PRSS55: variants seen among roughly 807,000 people sequenced by gnomAD.
PRSS55 encodes serine protease 55.
PRSS55 carries 41 observed loss-of-function variants against 23.6 expected under a neutral mutation model. The ratio of observed to expected loss-of-function variants is 1.74; its 90% CI spans 1.35 to 2.26. The LOEUF (loss-of-function observed/expected upper bound fraction) is 2.26. PRSS55 is among the 30% of genes most tolerant of loss of function. The pLI is 0.00. For missense variants in PRSS55, 669 were observed against 439.1 expected, an observed-to-expected ratio of 1.52 and a Z score of -4.68; for synonymous variants, 262 against 175.5, an observed-to-expected ratio of 1.49 and a Z score of -3.90.
chr8:10,542,588 G>A (rs1439866205), downstream of PRSS55, among the ~76,000 whole-genome samples: 3 of 151,978 alleles, frequency 2.0e-5, no homozygotes, highest in Admixed American at 6.6e-5. Flanking sequence ...AAGATGACCT[G>A]GACAGGCACG....
intron 1 of PRSS55, among the ~76,000 whole-genome samples, chr8:10,527,168 T>G (rs897448603): frequency 6.6e-6 from 1 of 152,246 alleles, no homozygotes; most frequent in Admixed American, 6.5e-5. Context: ...GTCACAAACA[T>G]TTTCCTGTGT....
intron 4 of PRSS55, among the ~76,000 whole-genome samples, chr8:10,537,265 G>A (rs1812488820): frequency 6.6e-6 from 1 of 152,140 alleles, no homozygotes; most frequent in Non-Finnish European, 1.5e-5. Flanking sequence ...AGAAAATTAG[G>A]CAGTATACAC....
At chr8:10,550,723 T>C (rs1457248806) in intron 4 of PRSS55, among the ~76,000 whole-genome samples, 5 of 152,258 alleles carry the variant, frequency 3.3e-5, no homozygotes, top group Admixed American at 3.3e-4. Flanking sequence ...TGGTTTTTAC[T>C]GTATCAGCTT....
downstream of PRSS55, chr8:10,540,808 A>G (rs183832625): frequency 1.3e-5 from 2 of 152,360 alleles, no homozygotes; most frequent in Non-Finnish European, 2.9e-5. Context: ...CAATGTCTAG[A>G]AGCCATTTTT....
intron 4 of PRSS55, among the ~76,000 whole-genome samples, chr8:10,552,275 T>A (rs977911568): frequency 1.3e-5 from 2 of 152,202 alleles, no homozygotes; most frequent in African/African-American, 4.8e-5. Flanking sequence ...AGTGAAATCA[T>A]GGGAGTGTTA....
intron 4 of PRSS55, among the ~76,000 whole-genome samples, chr8:10,552,044 C>T (rs939313214): frequency 6.6e-5 from 10 of 152,328 alleles, no homozygotes; most frequent in South Asian, 2.1e-4. Context: ...GAAAGGGCAC[C>T]GTTTCCTGCC....
intron 3 of PRSS55, among the ~76,000 whole-genome samples, chr8:10,532,173 G>T (rs538497587): frequency 6.6e-6 from 1 of 152,138 alleles, no homozygotes; most frequent in African/African-American, 2.4e-5. Context: ...GATTTGCAGC[G>T]AGCCTGGGCC....
At chr8:10,532,416 G>GC (rs562546146) in intron 3 of PRSS55, among the ~76,000 whole-genome samples, 250 of 152,306 alleles carry the variant, frequency 1.6e-3, no homozygotes, top group African/African-American at 5.4e-3. Flanking sequence ...CCCAGAAAGG[G>GC]CCTCTGCAAA....
Position 10,525,688 on chromosome 8 carries a change from G to A in PRSS55, c.103G>A (p.Ala35Thr), listed in dbSNP as rs768132206. 6.8e-6 allele frequency: 11 copies of A among 1,613,740 alleles called. No individual in the cohort carries two copies. The highest frequency in any genetic ancestry group is 4.5e-5 in the East Asian group (2 of 44,870). Residue 35 changes from alanine to threonine, a missense_variant, in exon 1 of 5, where the codon GCT becomes ACT. By Grantham distance (58) the Ala-to-Thr change is moderately conservative. Transcript: ENST00000328655. ...GGCTGGAGTGGCTATCCTAGGCAGG[G>A]CTAGGGGAGCCCACCGCCCTCAGCC... is the stretch of plus-strand genomic sequence containing the variant. The part of the protein sequence containing the change: ...PEAGVAILGR[A>T]RGAHRPQPPH...
intron 4 of PRSS55, among the ~76,000 whole-genome samples, chr8:10,551,111 T>A (rs1160783027): frequency 6.6e-6 from 1 of 152,200 alleles, no homozygotes; most frequent in Non-Finnish European, 1.5e-5. Context: ...CCAAGACCCC[T>A]TCCTTCTGAG....
At chr8:10,528,162 G>T (rs941067081) in intron 1 of PRSS55, among the ~76,000 whole-genome samples, 4 of 147,758 alleles carry the variant, frequency 2.7e-5, no homozygotes, top group Admixed American at 2.1e-4. Flanking sequence ...TGGTGCCACT[G>T]CACTCCAGCC....
rs760243007 is a variant in PRSS55 at position 10,531,598 on chromosome 8, GA to G, written c.598+54del. The G allele has an allele frequency of 1.9e-6, 3 of 1,599,482 alleles. 1 individual carries two copies. In the South Asian group the frequency reaches 3.3e-5, roughly 18 times the overall value. ...GAAAAAGCCACTGCAATGTGAAGGA[GA>G]GGGGAGGAAGCTAAGGAAGGAGTGA... On this transcript the variant is annotated intron_variant, in intron 3 of 4. Coordinates refer to ENST00000328655, the MANE Select transcript of PRSS55 (RefSeq NM_198464.4).
rs1398648467 is a variant in PRSS55 at position 10,553,901 on chromosome 8, A to T, written c.742-42A>T. 6 of 1,346,552 alleles carry T rather than the reference A, an allele frequency of 4.5e-6. No individual in the cohort carries two copies. In the African/African-American group the frequency reaches 8.9e-5, roughly 20 times the overall value. 83.4% of individuals were successfully genotyped at this position (1,346,552 alleles called of 1,614,324 possible). Reference sequence around the variant, plus strand: ...AAGCACCACATTGTACAATAAATACATAAAATTTTTTTAATTTGTCAATTT... The same window carrying T: ...AAGCACCACATTGTACAATAAATACTTAAAATTTTTTTAATTTGTCAATTT... On this transcript the variant is annotated intron_variant, in intron 4 of 4. Coordinates refer to the PRSS55 transcript ENST00000522210.
rs756013102 is a variant in PRSS55 at position 10,531,449 on chromosome 8, C to T, written c.502C>T (p.Leu168Phe). Residue 168 changes from leucine to phenylalanine, a missense_variant, in exon 3 of 5, where the codon CTC becomes TTC. Coordinates refer to ENST00000328655, the MANE Select transcript of PRSS55 (RefSeq NM_198464.4). ...ALLLLASPIK[L>F]DDLKVPICLP... is the part of the protein sequence containing the mutation. ...GCTGCTGCTGGCTTCGCCCATCAAGCTCGATGACCTGAAGGTGCCCATCTG... is the reference window on the plus strand; with the variant it reads ...GCTGCTGCTGGCTTCGCCCATCAAGTTCGATGACCTGAAGGTGCCCATCTG... The T allele has an allele frequency of 1.9e-6, 3 of 1,614,102 alleles. No homozygotes were observed. Among genetic ancestry groups the T allele is most frequent in the Non-Finnish European group, 2.5e-6 (3 of 1,180,064 alleles).
Position 10,525,578 on chromosome 8 carries a change from C to T in PRSS55, c.-8C>T. 6.2e-6 allele frequency: 10 copies of T among 1,613,620 alleles called. No homozygotes were observed. The highest frequency in any genetic ancestry group is 8.5e-6 in the Non-Finnish European group (10 of 1,179,724). Reference sequence around the variant, plus strand: ...GTCACCCCCGGGCCCACAGCACAGCCCAGGGCCATGCTCCTGTTCTCAGTG... The same window carrying T: ...GTCACCCCCGGGCCCACAGCACAGCTCAGGGCCATGCTCCTGTTCTCAGTG... On this transcript the variant is annotated 5_prime_UTR_variant, in exon 1 of 5. Transcript: ENST00000328655.
At chr8:10,527,984 G>A (rs548191793) in intron 1 of PRSS55, among the ~76,000 whole-genome samples, 6 of 152,222 alleles carry the variant, frequency 3.9e-5, no homozygotes, top group South Asian at 2.1e-4. Flanking sequence ...AGGCCGAGGC[G>A]GGCAGATCAT....
intron 4 of PRSS55, among the ~76,000 whole-genome samples, chr8:10,550,733 T>C (rs1812933882): frequency 6.6e-6 from 1 of 152,194 alleles, no homozygotes; most frequent in African/African-American, 2.4e-5. Context: ...TGTATCAGCT[T>C]CTCCTGAAGA....
intron 1 of PRSS55, among the ~76,000 whole-genome samples, chr8:10,526,331 G>T (rs887910977): frequency 1.3e-5 from 2 of 152,196 alleles, no homozygotes; most frequent in African/African-American, 4.8e-5. Flanking sequence ...AAGAGGATTT[G>T]CCCAAAGTTG....
chr8:10,539,267 G>A (rs1812569444), downstream of PRSS55, among the ~76,000 whole-genome samples: 1 of 152,078 alleles, frequency 6.6e-6, no homozygotes, highest in South Asian at 2.1e-4. Context: ...ATTGGACAAG[G>A]CCCACCCACA....
Sources: gnomAD v4.1 joint callset for allele counts (sites outside exome capture counted in the v4.1 genomes callset) on GRCh38, gnomAD v4.1.1 for gene constraint, MANE v1.5 for transcripts, NCBI Gene and HGNC (gene_info 2026-07-23, HGNC 2026-07-21) for gene names.